Variants in BPI observed in about 807,000 individuals in gnomAD.
BPI encodes the protein bactericidal permeability increasing protein, also known as bactericidal permeability-increasing protein.
In BPI, 48 loss-of-function variants were observed where a neutral mutation model predicts 57.6. That is an observed-to-expected ratio of 0.83 (90% CI 0.66 to 1.06). The LOEUF is 1.06. Ranked by LOEUF, BPI falls within the 50% of genes least tolerant of loss-of-function variation. The pLI, the probability that BPI is intolerant of heterozygous loss-of-function variation, is 0.00. For missense variants in BPI, 651 were observed against 609.7 expected (o/e 1.07, Z -0.71); for synonymous variants, 237 against 238.2 (o/e 0.99, Z 0.05).
chr20:38,322,202 C>T (rs552769484), intron 7 of BPI, among the ~76,000 whole-genome samples: 24 of 152,044 alleles, frequency 1.6e-4, no homozygotes, highest in Admixed American at 7.2e-4. Flanking sequence ...TTTCCACAAA[C>T]GTAACCAAAG....
In BPI at chr20:38,319,875, T is replaced by G. The variant is rs1207152565; in HGVS notation, c.665-308T>G. 9.4e-6 allele frequency: 3 copies of G among 319,900 alleles called. No individual in the cohort carries two copies. The East Asian group carries it at 1.8e-4, about 20-fold the overall frequency. The allele number at this position is 319,900 out of a possible 1,614,324, so 19.8% of individuals were successfully genotyped here. The stretch of plus-strand genomic sequence containing the variant: ...AAATGACAAAAAGTGCTCAGAGAAG[T>G]GCAAGGACTTGTCCAAGGTCATCCA... On this transcript the variant is annotated intron_variant, in intron 6 of 14. Transcript: ENST00000642449.
At chr20:38,321,642 T>C (rs1028377895) in intron 7 of BPI, 1 of 152,140 alleles carries the variant, frequency 6.6e-6, no homozygotes, top group African/African-American at 2.4e-5. Flanking sequence ...TACAGTTATT[T>C]GTTTGCTTCA....
intron 5 of BPI, chr20:38,318,132 A>T (rs2076661649): frequency 8.3e-6 from 7 of 845,718 alleles, no homozygotes; most frequent in Non-Finnish European, 1.0e-5. Context: ...AAAAAAAAAA[A>T]ACCTTATAAA....
intron 14 of BPI, among the ~76,000 whole-genome samples, chr20:38,336,236 C>A (rs2076766832): frequency 6.6e-6 from 1 of 151,948 alleles, no homozygotes; most frequent in Non-Finnish European, 1.5e-5. Context: ...TTCTCCTGCC[C>A]CTTCTCTGCA....
intron 10 of BPI, 95 bp from the exon 11 acceptor site, chr20:38,327,493 G>T: frequency 1.4e-6 from 2 of 1,385,202 alleles, no homozygotes; most frequent in Non-Finnish European, 1.0e-6. Flanking sequence ...ATGCTGCCCT[G>T]CTGAGCCGTT....
At chr20:38,326,533 C>A (rs1300438495) in intron 10 of BPI, 101 bp downstream of exon 10, 3 of 1,354,372 alleles carry the variant, frequency 2.2e-6, no homozygotes, top group Admixed American at 2.9e-5. Flanking sequence ...GGATTCAAAC[C>A]TGGACTGTGT....
At chr20:38,323,236 T>C (rs920506419) in intron 7 of BPI, among the ~76,000 whole-genome samples, 1 of 152,200 alleles carries the variant, frequency 6.6e-6, no homozygotes, top group African/African-American at 2.4e-5. Flanking sequence ...TATCCTACCA[T>C]ATGTATCCAT....
Position 38,334,430 on chromosome 20 carries a change from G to T in BPI, c.1273G>T (p.Val425Phe). ...CTCCCATCCTCCCTCTGATTTCCAG[G>T]TTGAATTGCTGCAGGATATCATGAA... is the stretch of plus-strand genomic sequence containing the variant. The part of the protein sequence containing the change: ...LKHSNIGPFP[V>F]ELLQDIMNYI... Residue 425 changes from valine (V) to phenylalanine (F), a missense_variant and splice_region_variant, in exon 13 of 15, where the codon GTT becomes TTT. Coordinates refer to ENST00000642449, the MANE Select transcript of BPI (RefSeq NM_001725.3). 1 of 1,613,818 alleles carries T rather than the reference G, an allele frequency of 6.2e-7. No homozygotes were observed. Among genetic ancestry groups the T allele is most frequent in the Non-Finnish European group, 8.5e-7 (1 of 1,179,682 alleles).
At chr20:38,304,419 G>T (rs779747823) in intron 1 of BPI, 66 bp downstream of exon 1, 36 of 1,580,862 alleles carry the variant, frequency 2.3e-5, no homozygotes, top group Non-Finnish European at 2.7e-5. Context: ...TCTACTGTGT[G>T]CACCCCTTTA....
intron 13 of BPI, among the ~76,000 whole-genome samples, chr20:38,335,140 C>G (rs1350395755): frequency 6.6e-6 from 1 of 152,170 alleles, no homozygotes; most frequent in Non-Finnish European, 1.5e-5. Context: ...TGGGAGGCCA[C>G]GTTCTAATTT....
chr20:38,320,403 T>C (rs2122528481), intron 7 of BPI, 129 bp downstream of exon 7: 7 of 747,818 alleles, frequency 9.4e-6, no homozygotes, highest in Non-Finnish European at 1.5e-5. Context: ...CCCTCTCTAC[T>C]CTCCCCGCCT....
rs764751107 is a variant in BPI at position 38,323,871 on chromosome 20, G to A, written c.758G>A (p.Gly253Glu). ...TCACTCTGTTGCCTCTACCCCCAGGGGGAGTTTTACAGTGAGAACCACCAC... is the reference window on the plus strand; with the variant it reads ...TCACTCTGTTGCCTCTACCCCCAGGAGGAGTTTTACAGTGAGAACCACCAC... Reference protein sequence around the residue: ...TAETLDVQMKGEFYSENHHNP... With the variant: ...TAETLDVQMKEEFYSENHHNP... Residue 253 changes from glycine to glutamate, a missense_variant and splice_region_variant, in exon 8 of 15, where the codon GGG (glycine) becomes GAG (glutamate). Transcript: ENST00000642449. 5.6e-6 allele frequency: 9 copies of A among 1,613,604 alleles called. No individual in the cohort carries two copies. The African/African-American group carries it at 1.1e-4, about 19-fold the overall frequency.
intron 10 of BPI, 49 bp downstream of exon 10, chr20:38,326,481 C>T: frequency 6.4e-7 from 1 of 1,550,516 alleles, no homozygotes. Context: ...ACAGTCCCAA[C>T]AGCACTGTCT....
At chr20:38,305,856 A>G (rs2076594257) in intron 1 of BPI, among the ~76,000 whole-genome samples, 1 of 152,132 alleles carries the variant, frequency 6.6e-6, no homozygotes, top group Non-Finnish European at 1.5e-5. Flanking sequence ...TTTCATTGAT[A>G]TTATTATTTC....
chr20:38,329,837 C>A (rs559441242), intron 11 of BPI, among the ~76,000 whole-genome samples: 1 of 152,106 alleles, frequency 6.6e-6, no homozygotes, highest in South Asian at 2.1e-4. Context: ...CTCAGCCTCC[C>A]GTGTAGCTGG....
chr20:38,322,185 A>T (rs564055104), intron 7 of BPI, among the ~76,000 whole-genome samples: 2 of 151,000 alleles, frequency 1.3e-5, no homozygotes, highest in Non-Finnish European at 3.0e-5. Context: ...TGGGCTTTCC[A>T]TTTTTTTTTC....
Position 38,320,286 on chromosome 20 carries a change from A to C in BPI, c.756+12A>C, listed in dbSNP as rs778423272. The C allele has an allele frequency of 1.2e-6, 2 of 1,611,750 alleles. No individual in the cohort carries two copies. The highest frequency in any genetic ancestry group is 2.7e-5 in the African/African-American group (2 of 74,792). The stretch of plus-strand genomic sequence containing the variant: ...ATGTACAGATGAAGGTGAGGCTGAC[A>C]CTGAGAATCATACACCCTCACACCT... On this transcript the variant is annotated intron_variant, in intron 7 of 14. Transcript: ENST00000642449.
chr20:38,320,410 G>A (rs941239966), intron 7 of BPI, 136 bp downstream of exon 7: 21 of 758,364 alleles, frequency 2.8e-5, no homozygotes, highest in Non-Finnish European at 3.4e-5. Context: ...TACTCTCCCC[G>A]CCTCTCCCTG....
intron 9 of BPI, among the ~76,000 whole-genome samples, chr20:38,325,079 A>G (rs1367869966): frequency 1.3e-5 from 2 of 152,178 alleles, no homozygotes; most frequent in South Asian, 2.1e-4. Context: ...ATAAATTCTT[A>G]TTGAATGCCC....
Sources: gnomAD v4.1 joint callset for allele counts (sites outside exome capture counted in the v4.1 genomes callset) on GRCh38, gnomAD v4.1.1 for gene constraint, MANE v1.5 for transcripts, NCBI Gene and HGNC (gene_info 2026-07-23, HGNC 2026-07-21) for gene names.